The following CLSTN2 variants were observed in gnomAD, a reference collection of about 807,000 sequenced individuals.
The protein encoded by CLSTN2 is calsyntenin 2, also known as calsyntenin-2.
A neutral mutation model predicts 101.2 loss-of-function variants in CLSTN2; 48 were observed. The observed-to-expected ratio is 0.47, with a 90% CI of 0.38 to 0.60. CLSTN2 has a LOEUF of 0.60. Ranked by LOEUF, CLSTN2 falls within the 20% of genes least tolerant of loss-of-function variation. CLSTN2 has a pLI of 0.00. For synonymous variants in CLSTN2, 481 were observed against 463.6 expected (o/e 1.04, Z -0.48); for missense variants, 1,160 against 1,238.2 (o/e 0.94, Z 0.95).
chr3:139,986,516 CT>C (rs1279933101), intron 1 of CLSTN2, among the ~76,000 whole-genome samples: 1 of 152,148 alleles, frequency 6.6e-6, no homozygotes, highest in Non-Finnish European at 1.5e-5. Context: ...CAGTGCAACC[CT>C]TCTGCCCTCT....
At chr3:140,138,209 A>T (rs886290146) in intron 1 of CLSTN2, among the ~76,000 whole-genome samples, 1 of 152,176 alleles carries the variant, frequency 6.6e-6, no homozygotes, top group African/African-American at 2.4e-5. Context: ...ATGACAGCAG[A>T]TTTCTCCTGT....
chr3:140,221,181 A>C (rs902974005), intron 2 of CLSTN2, among the ~76,000 whole-genome samples: 1 of 152,240 alleles, frequency 6.6e-6, no homozygotes, highest in African/African-American at 2.4e-5. Flanking sequence ...CAGGGGTATC[A>C]GTGAGACAGG....
At chr3:140,367,824 G>A (rs2087809572) in intron 2 of CLSTN2, among the ~76,000 whole-genome samples, 2 of 152,170 alleles carry the variant, frequency 1.3e-5, no homozygotes, top group Admixed American at 1.3e-4. Context: ...AATGGTAGTA[G>A]TTACCACATA....
At chr3:140,499,645 G>C (rs1383619429) in intron 8 of CLSTN2, among the ~76,000 whole-genome samples, 1 of 152,100 alleles carries the variant, frequency 6.6e-6, no homozygotes, top group Non-Finnish European at 1.5e-5. Flanking sequence ...GTGTAGGCAG[G>C]GGGTGGTAAA....
rs912190812 is a variant in CLSTN2 at position 140,175,140 on chromosome 3, C to A, written c.110-811C>A. Among the ~76,000 whole-genome samples, 8 of 152,098 alleles carry A rather than the reference C, an allele frequency of 5.3e-5. No individual in the cohort carries two copies. The East Asian group carries it at 5.8e-4, about 11-fold the overall frequency. Reference sequence around the variant, plus strand: ...CTAATGACATTTTAAAACTTGATTACCTCTGTAAAGATTCTATCTCCCAAT... The same window carrying A: ...CTAATGACATTTTAAAACTTGATTAACTCTGTAAAGATTCTATCTCCCAAT... On this transcript the variant is annotated intron_variant, in intron 1 of 16. Transcript: ENST00000458420.
rs1030050297 is a variant in CLSTN2, at chr3:140,568,703, GA to G, written c.*2452del. 2.6e-5 allele frequency: 4 copies of G among 151,932 alleles called. No homozygotes were observed. The highest frequency in any genetic ancestry group is 4.1e-4 in the South Asian group (2 of 4,824). The allele number at this position is 151,932 out of a possible 1,614,324, so 9.4% of individuals were successfully genotyped here. ...AAATATTTAAGTCTGGTGTTTGTGA[GA>G]ACACTTTTCTCTTTGCTCAGTCTTT... On this transcript the variant is annotated 3_prime_UTR_variant, in exon 17 of 17. Transcript: ENST00000458420.
At chr3:140,097,985 G>A (rs185326757) in intron 1 of CLSTN2, among the ~76,000 whole-genome samples, 107 of 152,228 alleles carry the variant, frequency 7.0e-4, no homozygotes, top group Non-Finnish European at 1.4e-3. Context: ...ACAATGCCAT[G>A]ATATAAGACA....
At chr3:140,093,660 A>G (rs1330127464) in intron 1 of CLSTN2, among the ~76,000 whole-genome samples, 3 of 152,000 alleles carry the variant, frequency 2.0e-5, no homozygotes, top group Non-Finnish European at 4.4e-5. Context: ...GTGGGGAAAA[A>G]CCATGGTGAT....
chr3:140,140,708 T>C (rs1202263088), intron 1 of CLSTN2, among the ~76,000 whole-genome samples: 1 of 152,226 alleles, frequency 6.6e-6, no homozygotes, highest in Non-Finnish European at 1.5e-5. Context: ...TAGTTTGTTG[T>C]TTTATTTTCC....
At chr3:140,368,517 C>T (rs910029483) in intron 2 of CLSTN2, among the ~76,000 whole-genome samples, 1 of 152,198 alleles carries the variant, frequency 6.6e-6, no homozygotes, top group Admixed American at 6.5e-5. Flanking sequence ...ACTTTCTCAT[C>T]CCCCACTCCA....
chr3:140,501,807 G>GC (rs1934582860), intron 8 of CLSTN2, among the ~76,000 whole-genome samples: 1 of 152,314 alleles, frequency 6.6e-6, no homozygotes, highest in East Asian at 1.9e-4. Flanking sequence ...ACTTTAATGT[G>GC]CATGTTAATT....
intron 2 of CLSTN2, among the ~76,000 whole-genome samples, chr3:140,225,083 C>T (rs879866521): frequency 2.0e-5 from 3 of 152,216 alleles, no homozygotes; most frequent in Non-Finnish European, 2.9e-5. Flanking sequence ...CACAATGGAG[C>T]ATCAGTTCCA....
At chr3:140,208,652 G>A (rs900789576) in intron 2 of CLSTN2, among the ~76,000 whole-genome samples, 1 of 152,036 alleles carries the variant, frequency 6.6e-6, no homozygotes. Context: ...TGTTCATTCA[G>A]CACCTGTGCA....
chr3:140,553,842 C>T (rs1275647143), intron 10 of CLSTN2, among the ~76,000 whole-genome samples: 1 of 152,138 alleles, frequency 6.6e-6, no homozygotes, highest in African/African-American at 2.4e-5. Context: ...CTCCGCAATG[C>T]CCAGGAAGGA....
chr3:139,961,617 C>T (rs566070287), intron 1 of CLSTN2, among the ~76,000 whole-genome samples: 1 of 152,284 alleles, frequency 6.6e-6, no homozygotes, highest in African/African-American at 2.4e-5. Context: ...GACATTTCTA[C>T]ATTTTCACAG....
At chr3:140,278,648 G>C (rs1170328438) in intron 2 of CLSTN2, among the ~76,000 whole-genome samples, 10 of 152,192 alleles carry the variant, frequency 6.6e-5, no homozygotes, top group Non-Finnish European at 1.5e-5. Flanking sequence ...ACTGTCTTTT[G>C]ACTGGAATAA....
intron 9 of CLSTN2, among the ~76,000 whole-genome samples, chr3:140,533,114 C>T (rs2107779828): frequency 6.6e-6 from 1 of 152,314 alleles, no homozygotes; most frequent in African/African-American, 2.4e-5. Flanking sequence ...TTGCCTCTCT[C>T]CTAATCCCCA....
At chr3:139,975,912 C>T (rs1006053654) in intron 1 of CLSTN2, among the ~76,000 whole-genome samples, 1 of 152,130 alleles carries the variant, frequency 6.6e-6, no homozygotes, top group Non-Finnish European at 1.5e-5. Context: ...CTTTTGACAC[C>T]GTACTACATG....
At chr3:140,513,583 C>CTTCTTTTTTTTTTTTTTTTTTTT (rs374321434) in intron 8 of CLSTN2, among the ~76,000 whole-genome samples, 1 of 117,758 alleles carries the variant, frequency 8.5e-6, no homozygotes, top group Non-Finnish European at 1.7e-5. Flanking sequence ...TTTTTTCTTT[C>CTTCTTTTTTTTTTTTTTTTTTTT]TTTTTTTTTT....
Sources: allele counts gnomAD v4.1 joint callset (sites outside exome capture counted in the v4.1 genomes callset), GRCh38; gene constraint gnomAD v4.1.1; transcripts MANE v1.5; gene names NCBI Gene and HGNC (gene_info 2026-07-23, HGNC 2026-07-21).